FAM163B: variants seen among roughly 807,000 people sequenced by gnomAD.
FAM163B encodes protein FAM163B.
In FAM163B, 4 loss-of-function variants were observed where a neutral mutation model predicts 7.6. That is an observed-to-expected ratio of 0.52 (90% CI 0.26 to 1.20). The LOEUF is 1.20. Ranked by LOEUF, FAM163B falls within the 50% of genes most tolerant of loss-of-function variation. FAM163B has a pLI of 0.14. For synonymous variants in FAM163B, 120 were observed against 111.6 expected (o/e 1.07, Z -0.47); for missense variants, 250 against 243.0 (o/e 1.03, Z -0.19).
rs1831301216 is a variant in FAM163B at position 133,579,048 on chromosome 9, T to A, written c.475A>T (p.Ser159Cys). Residue 159 changes from serine to cysteine, a missense_variant, in exon 3 of 3, where the codon AGC (serine) becomes TGC (cysteine). Coordinates refer to ENST00000673969, the MANE Select transcript of FAM163B (RefSeq NM_001080515.3). ...CACACGTCGGTGCTGATGCTGCGGC[T>A]CCTGGCGAAGGCCTCCCGCATGGCT... ...LSAMREAFAR[S>C]RSISTDV The A allele has an allele frequency of 6.4e-7, 1 of 1,567,950 alleles. No homozygotes were observed. Among genetic ancestry groups the A allele is most frequent in the Non-Finnish European group, 8.6e-7 (1 of 1,159,380 alleles).
intron 2 of FAM163B, among the ~76,000 whole-genome samples, chr9:133,579,647 G>A (rs938682324): frequency 1.1e-4 from 16 of 152,222 alleles, no homozygotes; most frequent in African/African-American, 2.7e-4. Flanking sequence ...CATCTCTTCC[G>A]CCCAGCAACG....
intron 1 of FAM163B, among the ~76,000 whole-genome samples, chr9:133,585,636 C>T (rs375623572): frequency 0.013 from 1,922 of 152,350 alleles, 28 homozygotes; most frequent in African/African-American, 0.044. Flanking sequence ...CATCCAGCCC[C>T]GCGCCTTCCA....
Position 133,577,298 on chromosome 9 carries a change from C to T in FAM163B, c.*1724G>A, listed in dbSNP as rs7854165. 0.23 allele frequency among the ~76,000 whole-genome samples: 34,577 copies of T among 147,702 alleles called. 4,309 individuals are homozygous for T. The highest frequency in any genetic ancestry group is 0.47 in the East Asian group (2,239 of 4,774). On this transcript the variant is annotated 3_prime_UTR_variant, in exon 3 of 3. Transcript: ENST00000673969. ...CCCACCCCACCCAGCCCACCCCCCA[C>T]GCCAACGCATCAGAAACAGACTTCA...
At chr9:133,586,774 A>G (rs1831445148) in intron 1 of FAM163B, among the ~76,000 whole-genome samples, 1 of 152,136 alleles carries the variant, frequency 6.6e-6, no homozygotes, top group African/African-American at 2.4e-5. Flanking sequence ...GTGGGGTGTG[A>G]TGGGGAGCAG....
chr9:133,590,390 G>A (rs1310407181), intron 1 of FAM163B, among the ~76,000 whole-genome samples: 1 of 151,972 alleles, frequency 6.6e-6, no homozygotes, highest in African/African-American at 2.4e-5. Context: ...CAGAGCTCTC[G>A]TTTAGTAAAC....
At chr9:133,584,611 C>G (rs1472557872) in intron 1 of FAM163B, among the ~76,000 whole-genome samples, 2 of 152,252 alleles carry the variant, frequency 1.3e-5, no homozygotes, top group Admixed American at 6.5e-5. Flanking sequence ...TACTTGTGCT[C>G]TGAGAAAGCT....
In FAM163B at chr9:133,606,800, T is replaced by C. The variant is rs1831795540; in HGVS notation, c.-24+2277A>G. On this transcript the variant is annotated intron_variant, in intron 1 of 2. Coordinates refer to ENST00000673969, the MANE Select transcript of FAM163B (RefSeq NM_001080515.3). This position sits in a 1 kb window ranked among gnomAD's most constrained non-coding sequence, Gnocchi z 4.0. ...GAGTTTAGAGTCAGAGGTAATTGAC[T>C]GAGATGTAATACATCTCTCCCCTCC... Among the ~76,000 whole-genome samples, 1 of 152,158 alleles carries C rather than the reference T, an allele frequency of 6.6e-6. No homozygotes were observed. The highest frequency in any genetic ancestry group is 1.5e-5 in the Non-Finnish European group (1 of 68,024).
chr9:133,606,100 C>T lies in FAM163B; in HGVS notation c.-24+2977G>A, dbSNP rs762339976. Among the ~76,000 whole-genome samples the T allele has an allele frequency of 6.6e-6, 1 of 152,208 alleles. No homozygotes were observed. Among genetic ancestry groups the T allele is most frequent in the East Asian group, 1.9e-4 (1 of 5,188 alleles). ...ACCCCACCTGACTCTCCAGCCTCCT[C>T]CTTCACTGATGAGGCCCGAGGGAAG... is the stretch of plus-strand genomic sequence containing the variant. On this transcript the variant is annotated intron_variant, in intron 1 of 2. Transcript: ENST00000673969. The surrounding 1 kb of genome is among the most constrained non-coding windows in gnomAD (Gnocchi z 4.0).
chr9:133,598,835 T>C (rs576967275), intron 1 of FAM163B, among the ~76,000 whole-genome samples: 21 of 152,252 alleles, frequency 1.4e-4, no homozygotes, highest in African/African-American at 4.3e-4. Flanking sequence ...AGGTGGCAAA[T>C]GAACACCTGA....
Position 133,600,259 on chromosome 9 carries a change from CTGTG to C in FAM163B, c.-24+8814_-24+8817del, listed in dbSNP as rs3074996. Among the ~76,000 whole-genome samples the C allele has an allele frequency of 0.011, 1,627 of 146,520 alleles. 15 individuals are homozygous for C. Among genetic ancestry groups the C allele is most frequent in the East Asian group, 0.023 (110 of 4,716 alleles). On this transcript the variant is annotated intron_variant, in intron 1 of 2. Coordinates refer to ENST00000673969, the MANE Select transcript of FAM163B (RefSeq NM_001080515.3). This position sits in a 1 kb window ranked among gnomAD's most constrained non-coding sequence, Gnocchi z 4.9. The stretch of plus-strand genomic sequence containing the variant: ...CTGTGTGCATGTGTGTGAGTGTGGT[CTGTG>C]TGTGTGTGTGTGTGTGTGTGTGTGT...
chr9:133,578,825 G>C lies in FAM163B; in HGVS notation c.*197C>G, dbSNP rs1195839756. ...CAGGCCCCAGCTGTGCCTCCCCCCA[G>C]GACACATTTGTGTTCAATGAGCCTT... On this transcript the variant is annotated 3_prime_UTR_variant, in exon 3 of 3. Transcript: ENST00000673969. 1 of 1,056,164 alleles carries C rather than the reference G, an allele frequency of 9.5e-7. No individual in the cohort carries two copies. Among genetic ancestry groups the C allele is most frequent in the Non-Finnish European group, 1.3e-6 (1 of 773,194 alleles). The allele number at this position is 1,056,164 out of a possible 1,614,324, so 65.4% of individuals were successfully genotyped here.
chr9:133,596,577 C>T (rs2131252391), intron 1 of FAM163B, among the ~76,000 whole-genome samples: 1 of 152,250 alleles, frequency 6.6e-6, no homozygotes, highest in South Asian at 2.1e-4. Context: ...GTGGTGGCCC[C>T]AGCTCCCTCC....
rs879170215 is a variant in FAM163B, at chr9:133,578,890, T to TC, written c.*131dup. ...CCTGGGGGCTCCCCAAGCCTGGGCC[T>TC]CCCCTGAGGACAGGGATTCCAGGAG... On this transcript the variant is annotated 3_prime_UTR_variant, in exon 3 of 3. Transcript: ENST00000673969. The TC allele has an allele frequency of 7.1e-7, 1 of 1,414,822 alleles. No individual in the cohort carries two copies. The highest frequency in any genetic ancestry group is 9.2e-7 in the Non-Finnish European group (1 of 1,083,946). 87.6% of individuals were successfully genotyped at this position (1,414,822 alleles called of 1,614,324 possible).
At chr9:133,584,689 G>T (rs1588323477) in intron 1 of FAM163B, among the ~76,000 whole-genome samples, 1 of 152,344 alleles carries the variant, frequency 6.6e-6, no homozygotes, top group African/African-American at 2.4e-5. Flanking sequence ...GGAACCGAGG[G>T]AAACTTCCTG....
In FAM163B at chr9:133,592,592, G is replaced by T. The variant is rs139426317; in HGVS notation, c.-23-12346C>A. Among the ~76,000 whole-genome samples, 157 of 152,292 alleles carry T rather than the reference G, an allele frequency of 1.0e-3. 1 individual carries two copies. The highest frequency in any genetic ancestry group is 6.8e-3 in the Middle Eastern group (2 of 294). ...GTGAACATTGCCCTCTCCGGCCAAG[G>T]GCCTGCCCTCTGCCAACTCGCAGCC... On this transcript the variant is annotated intron_variant, in intron 1 of 2. Transcript: ENST00000673969.
Position 133,606,819 on chromosome 9 carries a change from C to T in FAM163B, c.-24+2258G>A, listed in dbSNP as rs1459414155. ...ATTGACTGAGATGTAATACATCTCT[C>T]CCCTCCCGAGTGCTGTAATTATTCC... is the stretch of plus-strand genomic sequence containing the variant. On this transcript the variant is annotated intron_variant, in intron 1 of 2. Transcript: ENST00000673969. This position sits in a 1 kb window ranked among gnomAD's most constrained non-coding sequence, Gnocchi z 4.0. Among the ~76,000 whole-genome samples the T allele has an allele frequency of 6.6e-6, 1 of 152,160 alleles. No homozygotes were observed. Among genetic ancestry groups the T allele is most frequent in the Non-Finnish European group, 1.5e-5 (1 of 68,032 alleles).
In FAM163B at chr9:133,588,146, G is replaced by A. The variant is rs772301341; in HGVS notation, c.-23-7900C>T. On this transcript the variant is annotated intron_variant, in intron 1 of 2. Transcript: ENST00000673969. ...GAAGCCAGTAGCACTCCCTGCTTTG[G>A]CACTAGGGAATTGCAGACCCTGTTC... 3.3e-5 allele frequency among the ~76,000 whole-genome samples: 5 copies of A among 152,266 alleles called. No homozygotes were observed. The East Asian group carries it at 7.8e-4, about 24-fold the overall frequency.
intron 1 of FAM163B, among the ~76,000 whole-genome samples, chr9:133,585,154 G>C (rs1006324897): frequency 6.6e-6 from 1 of 152,194 alleles, no homozygotes; most frequent in Non-Finnish European, 1.5e-5. Flanking sequence ...GGCAGGGAGA[G>C]CCAGCTGCGT....
At chr9:133,579,949 C>T (rs1353838525) in intron 2 of FAM163B, among the ~76,000 whole-genome samples, 182 bp downstream of exon 2, 4 of 152,192 alleles carry the variant, frequency 2.6e-5, no homozygotes, top group East Asian at 1.9e-4. Flanking sequence ...GGGAGTCAGG[C>T]GCATCTTACT....
Sources: allele counts gnomAD v4.1 joint callset (sites outside exome capture counted in the v4.1 genomes callset), GRCh38; gene constraint gnomAD v4.1.1; non-coding constraint Gnocchi (gnomAD v3.1); transcripts MANE v1.5; gene names NCBI Gene and HGNC (gene_info 2026-07-23, HGNC 2026-07-21).